The following RFNG variants were observed in gnomAD, a reference collection of about 807,000 sequenced individuals.
RFNG encodes beta-1,3-N-acetylglucosaminyltransferase radical fringe.
Under a neutral mutation model 29.6 loss-of-function variants are expected in RFNG, and 37 were observed. That is an observed-to-expected ratio of 1.25 (90% CI 0.96 to 1.65). The LOEUF (loss-of-function observed/expected upper bound fraction) is 1.65, where lower values mean the gene tolerates loss of function less well. RFNG is among the 40% of genes most tolerant of loss of function. The probability of loss-of-function intolerance (pLI) is 0.00; values close to 1 mark genes in which losing one functional copy is unlikely to be tolerated. For synonymous variants in RFNG, 276 were observed against 197.3 expected (o/e 1.40, Z -3.34); for missense variants, 546 against 457.0 (o/e 1.19, Z -1.78).
Position 82,051,571 on chromosome 17 carries a change from T to A in RFNG, c.196A>T (p.Thr66Ser). 7.3e-7 allele frequency: 1 copy of A among 1,373,808 alleles called. No homozygotes were observed. Among genetic ancestry groups the A allele is most frequent in the South Asian group, 1.6e-5 (1 of 63,116 alleles). 85.1% of individuals were successfully genotyped at this position (1,373,808 alleles called of 1,614,324 possible). The change falls in exon 1 of 8, where the codon ACC becomes TCC. Residue 66 changes from threonine to serine, a missense_variant. Physicochemically the swap from Thr to Ser is moderately conservative, Grantham distance 58. Transcript: ENST00000310496. This position sits in a 1 kb window ranked among gnomAD's most constrained non-coding sequence, Gnocchi z 4.1. ...RPDDVFIAVK[T>S]TRKNHGPRLR... ...CGCGGCCCGTGGTTCTTCCGGGTGG[T>A]CTTGACGGCGATGAAGACGTCGTCA...
Position 82,051,525 on chromosome 17 carries a change from G to A in RFNG, c.242C>T (p.Thr81Ile), listed in dbSNP as rs2030582632. The change falls in exon 1 of 8, where the codon ACC (threonine) becomes ATC (isoleucine). Residue 81 changes from threonine to isoleucine, a missense_variant. By Grantham distance (89) the Thr-to-Ile change is moderately conservative. Coordinates refer to ENST00000310496, the MANE Select transcript of RFNG (RefSeq NM_002917.2). This position sits in a 1 kb window ranked among gnomAD's most constrained non-coding sequence, Gnocchi z 4.1. ...HGPRLRLLLR[T>I]WISRARQQTF... ...CTGCTGGCGGGCCCGGGAGATCCAGGTGCGCAGCAGCAGCCGCAGGCGCGG... is the reference window on the plus strand; with the variant it reads ...CTGCTGGCGGGCCCGGGAGATCCAGATGCGCAGCAGCAGCCGCAGGCGCGG... The A allele has an allele frequency of 2.9e-6, 4 of 1,399,166 alleles. No individual in the cohort carries two copies. The highest frequency in any genetic ancestry group is 1.5e-5 in the South Asian group (1 of 65,002). The allele number at this position is 1,399,166 out of a possible 1,614,324, so 86.7% of individuals were successfully genotyped here. A position where few individuals can be genotyped will look rare whatever the true frequency, so the allele number is the denominator to read the frequency against.
chr17:82,048,628 T>C lies in RFNG; in HGVS notation c.*98A>G, dbSNP rs1128009. On this transcript the variant is annotated 3_prime_UTR_variant, in exon 8 of 8. Transcript: ENST00000310496. ...GCCAGGTGCCTGCATCTCACTGGTGTGGCCGTGGCACCTGAGGGAGCCCAC... is the reference window on the plus strand; with the variant it reads ...GCCAGGTGCCTGCATCTCACTGGTGCGGCCGTGGCACCTGAGGGAGCCCAC... The C allele has an allele frequency of 0.66, 610,762 of 931,572 alleles. 204,599 individuals carry two copies. The highest frequency in any genetic ancestry group is 0.74 in the African/African-American group (45,258 of 61,566). 57.7% of individuals were successfully genotyped at this position (931,572 alleles called of 1,614,324 possible). A position where few individuals can be genotyped will look rare whatever the true frequency, so the allele number is the denominator to read the frequency against.
rs776812647 is a variant in RFNG at position 82,048,731 on chromosome 17, G to C, written c.991C>G (p.Arg331Gly). The change falls in exon 8 of 8, where the codon CGG (arginine) becomes GGG (glycine). Residue 331 changes from arginine to glycine, a missense_variant. By Grantham distance (125) the Arg-to-Gly change is moderately radical (BLOSUM62 -2). Coordinates refer to ENST00000310496, the MANE Select transcript of RFNG (RefSeq NM_002917.2). ...CTGGGTCGGGGTGGTTGGTGTCACCGAGAGGTCGGGGCGCCCTGTTTCTGC... is the reference window on the plus strand; with the variant it reads ...CTGGGTCGGGGTGGTTGGTGTCACCCAGAGGTCGGGGCGCCCTGTTTCTGC... The part of the protein sequence containing the change: ...PRQKQGAPTS[R>G] 1 of 1,612,524 alleles carries C rather than the reference G, an allele frequency of 6.2e-7. No homozygotes were observed. Among genetic ancestry groups the C allele is most frequent in the South Asian group, 1.1e-5 (1 of 91,074 alleles).
chr17:82,050,524 C>T lies in RFNG; in HGVS notation c.451G>A (p.Val151Met), dbSNP rs1229436243. 2 of 1,612,548 alleles carry T rather than the reference C, an allele frequency of 1.2e-6. No homozygotes were observed. The highest frequency in any genetic ancestry group is 2.2e-5 in the East Asian group (1 of 44,896). ...WFCHVDDDNY[V>M]NARSLLHLLS... ...AGGTGCAGGAGGCTCCTGGCGTTCA[C>T]ATAATTGTCATCATCCACGTGGCAA... The change falls in exon 4 of 8, where the codon GTG (valine) becomes ATG (methionine). Residue 151 changes from valine to methionine, a missense_variant. Transcript: ENST00000310496.
rs749417094 is a variant in RFNG, at chr17:82,050,446, C to G, written c.529G>C (p.Asp177His). Reference protein sequence around the residue: ...QDVYLGRPSLDHPIEATERVQ... With the variant: ...QDVYLGRPSLHHPIEATERVQ... ...CTCTCGGTGGCCTCAATGGGGTGGT[C>G]CAGGCTGGGCCGCCCCAGGTAGACG... is the stretch of plus-strand genomic sequence containing the variant. Residue 177 changes from aspartate (D) to histidine (H), a missense_variant, in exon 4 of 8, where the codon GAC becomes CAC. Transcript: ENST00000310496. The G allele has an allele frequency of 1.9e-6, 3 of 1,611,368 alleles. No homozygotes were observed. Among genetic ancestry groups the G allele is most frequent in the Non-Finnish European group, 2.5e-6 (3 of 1,179,366 alleles).
In RFNG at chr17:82,048,608, G is replaced by A; in HGVS notation, c.*118C>T. Reference sequence around the variant, plus strand: ...GCAGGCTAGCCAGAGGGTCTGCCAGGTGCCTGCATCTCACTGGTGTGGCCG... The same window carrying A: ...GCAGGCTAGCCAGAGGGTCTGCCAGATGCCTGCATCTCACTGGTGTGGCCG... On this transcript the variant is annotated 3_prime_UTR_variant, in exon 8 of 8. Coordinates refer to ENST00000310496, the MANE Select transcript of RFNG (RefSeq NM_002917.2). 1.3e-6 allele frequency: 1 copy of A among 790,728 alleles called. No individual in the cohort carries two copies. 49.0% of individuals were successfully genotyped at this position (790,728 alleles called of 1,614,324 possible). A position where few individuals can be genotyped will look rare whatever the true frequency, so the allele number is the denominator to read the frequency against.
intron 6 of RFNG, chr17:82,049,445 G>A (rs2030122277): frequency 2.8e-6 from 2 of 709,342 alleles, no homozygotes; most frequent in African/African-American, 3.5e-5. Context: ...GGCCTCACTG[G>A]CCCGAGAACT....
intron 7 of RFNG, 112 bp from the exon 8 acceptor site, chr17:82,048,919 G>A (rs1014900528): frequency 3.6e-5 from 52 of 1,434,572 alleles, no homozygotes; most frequent in Middle Eastern, 2.0e-4. Context: ...GGGAGAAGCC[G>A]GGGTCAGGGC....
At chr17:82,050,788 C>A in intron 2 of RFNG, 24 bp from the exon 3 acceptor site, 1 of 1,608,812 alleles carries the variant, frequency 6.2e-7, no homozygotes, top group South Asian at 1.1e-5. Flanking sequence ...ACGGGAAGCA[C>A]GCACGTAGAG....
At position 82,049,097 on chromosome 17, in the gene RFNG, C is replaced by T. The variant is rs2144192131; in HGVS notation, c.848G>A (p.Gly283Asp). Reference protein sequence around the residue: ...LLQQVTLSHGGPENPHNVVNV... With the variant: ...LLQQVTLSHGDPENPHNVVNV... ...CACCACGTTATGTGGGTTCTCAGGACCCCCATGGCTCAAGGTAACCTGGGA... is the reference window on the plus strand; with the variant it reads ...CACCACGTTATGTGGGTTCTCAGGATCCCCATGGCTCAAGGTAACCTGGGA... The change falls in exon 7 of 8, where the codon GGT (glycine) becomes GAT (aspartate). Residue 283 changes from glycine (G) to aspartate (D), a missense_variant. Gly to Asp is a moderately conservative substitution (Grantham distance 94). Coordinates refer to ENST00000310496, the MANE Select transcript of RFNG (RefSeq NM_002917.2). 6.2e-7 allele frequency: 1 copy of T among 1,613,150 alleles called. No homozygotes were observed. The highest frequency in any genetic ancestry group is 8.5e-7 in the Non-Finnish European group (1 of 1,179,562).
intron 6 of RFNG, chr17:82,049,400 C>A (rs929376669): frequency 2.9e-6 from 2 of 699,268 alleles, no homozygotes; most frequent in Non-Finnish European, 2.6e-6. Context: ...CTCACCATCA[C>A]CATACACACC....
chr17:82,048,924 C>A, intron 7 of RFNG, 107 bp downstream of exon 7: 1 of 1,442,952 alleles, frequency 6.9e-7, no homozygotes, highest in Non-Finnish European at 9.7e-7. Flanking sequence ...AAGCCGGGGT[C>A]AGGGCCGTGG....
chr17:82,051,470 G>A lies in RFNG; in HGVS notation c.267+30C>T. 2 of 1,348,482 alleles carry A rather than the reference G, an allele frequency of 1.5e-6. No homozygotes were observed. Among genetic ancestry groups the A allele is most frequent in the Non-Finnish European group, 9.5e-7 (1 of 1,047,664 alleles). 83.5% of individuals were successfully genotyped at this position (1,348,482 alleles called of 1,614,324 possible). A position where few individuals can be genotyped will look rare whatever the true frequency, so the allele number is the denominator to read the frequency against. ...GGGAGGCGGGGCGGGTGGGCGTGGG[G>A]CTCGCCGTCGGGGTCGGGGTCCGGC... On this transcript the variant is annotated intron_variant, in intron 1 of 7. Transcript: ENST00000310496. This position sits in a 1 kb window ranked among gnomAD's most constrained non-coding sequence, Gnocchi z 4.1.
At position 82,048,055 on chromosome 17, in the gene RFNG, T is replaced by C. The variant is rs1001912810; in HGVS notation, c.*671A>G. 2 of 152,252 alleles carry C rather than the reference T, an allele frequency of 1.3e-5. No individual in the cohort carries two copies. Among genetic ancestry groups the C allele is most frequent in the Non-Finnish European group, 2.9e-5 (2 of 68,152 alleles). 9.4% of individuals were successfully genotyped at this position (152,252 alleles called of 1,614,324 possible). A position where few individuals can be genotyped will look rare whatever the true frequency, so the allele number is the denominator to read the frequency against. On this transcript the variant is annotated 3_prime_UTR_variant, in exon 8 of 8. Coordinates refer to ENST00000310496, the MANE Select transcript of RFNG (RefSeq NM_002917.2). ...GCAGGTCAGCGGAACAAAAGGCTCC[T>C]GTTGTTTATGGGCCCAGGCACAGTG...
chr17:82,051,133 G>GCCCT lies in RFNG; in HGVS notation c.316+157_316+160dup. 1 of 1,323,486 alleles carries GCCCT rather than the reference G, an allele frequency of 7.6e-7. No individual in the cohort carries two copies. The highest frequency in any genetic ancestry group is 9.6e-7 in the Non-Finnish European group (1 of 1,040,438). The allele number at this position is 1,323,486 out of a possible 1,614,324, so 82.0% of individuals were successfully genotyped here. A position where few individuals can be genotyped will look rare whatever the true frequency, so the allele number is the denominator to read the frequency against. Reference sequence around the variant, plus strand: ...GAGCAGAGCTTGGCTGGCAGGGTGGGCCCTCCGCAGGCCGCGTGACCTGGG... The same window carrying GCCCT: ...GAGCAGAGCTTGGCTGGCAGGGTGGGCCCTCCCTCCGCAGGCCGCGTGACCTGGG... On this transcript the variant is annotated intron_variant, in intron 2 of 7. Transcript: ENST00000310496. The surrounding 1 kb of genome is among the most constrained non-coding windows in gnomAD (Gnocchi z 4.1).
chr17:82,050,977 T>C (rs2030454573), intron 2 of RFNG: 4 of 1,427,562 alleles, frequency 2.8e-6, no homozygotes, highest in Admixed American at 5.8e-5. Flanking sequence ...TGGGATCTCT[T>C]GAGTGGAAAC....
Position 82,050,434 on chromosome 17 carries a change from C to T in RFNG, c.541G>A (p.Glu181Lys), listed in dbSNP as rs1435072417. ...CCACCCTGGACCCTCTCGGTGGCCT[C>T]AATGGGGTGGTCCAGGCTGGGCCGC... ...LGRPSLDHPI[E>K]ATERVQGGRT... The change falls in exon 4 of 8, where the codon GAG becomes AAG. Residue 181 changes from glutamate (E) to lysine (K), a missense_variant. Glu to Lys is a moderately conservative substitution (Grantham distance 56). Transcript: ENST00000310496. 1.9e-6 allele frequency: 3 copies of T among 1,609,142 alleles called. No individual in the cohort carries two copies. Among genetic ancestry groups the T allele is most frequent in the Non-Finnish European group, 2.5e-6 (3 of 1,178,504 alleles).
Position 82,051,147 on chromosome 17 carries a change from G to A in RFNG, c.316+147C>T, listed in dbSNP as rs1460396022. ...TGGCAGGGTGGGCCCTCCGCAGGCC[G>A]CGTGACCTGGGCAGCGTCGGGGCCT... is the stretch of plus-strand genomic sequence containing the variant. On this transcript the variant is annotated intron_variant, in intron 2 of 7. Coordinates refer to ENST00000310496, the MANE Select transcript of RFNG (RefSeq NM_002917.2). This position sits in a 1 kb window ranked among gnomAD's most constrained non-coding sequence, Gnocchi z 4.1. 5 of 1,315,216 alleles carry A rather than the reference G, an allele frequency of 3.8e-6. No individual in the cohort carries two copies. The East Asian group carries it at 1.5e-4, about 40-fold the overall frequency. The allele number at this position is 1,315,216 out of a possible 1,614,324, so 81.5% of individuals were successfully genotyped here. A position where few individuals can be genotyped will look rare whatever the true frequency, so the allele number is the denominator to read the frequency against.
Position 82,051,414 on chromosome 17 carries a change from C to T in RFNG, c.268-72G>A. ...GGAGACCGACCCGCCCCGCGCGGAG[C>T]CTCCGGGGGCCTGGGCCGGGCCTAG... On this transcript the variant is annotated intron_variant, in intron 1 of 7. Coordinates refer to ENST00000310496, the MANE Select transcript of RFNG (RefSeq NM_002917.2). The surrounding 1 kb of genome is among the most constrained non-coding windows in gnomAD (Gnocchi z 4.1). 1 of 1,389,030 alleles carries T rather than the reference C, an allele frequency of 7.2e-7. No individual in the cohort carries two copies. The highest frequency in any genetic ancestry group is 9.3e-7 in the Non-Finnish European group (1 of 1,072,688). 86.0% of individuals were successfully genotyped at this position (1,389,030 alleles called of 1,614,324 possible).
Sources: gnomAD v4.1 joint callset for allele counts on GRCh38, gnomAD v4.1.1 for gene constraint, Gnocchi (gnomAD v3.1) non-coding constraint, MANE v1.5 for transcripts, NCBI Gene and HGNC (gene_info 2026-07-23, HGNC 2026-07-21) for gene names.